MNS1: variants seen among roughly 807,000 people sequenced by gnomAD.
MNS1 encodes the protein meiosis-specific nuclear structural protein 1.
In MNS1, 63 loss-of-function variants were observed where a neutral mutation model predicts 72.0. That is an observed-to-expected ratio of 0.87 (90% CI 0.71 to 1.08). The LOEUF is 1.08. MNS1 is among the 50% of genes least tolerant of loss of function. The probability of loss-of-function intolerance (pLI) is 0.00; values close to 1 mark genes in which losing one functional copy is unlikely to be tolerated. For missense variants in MNS1, 604 were observed against 562.4 expected, an observed-to-expected ratio of 1.07 and a Z score of -0.75; for synonymous variants, 188 against 172.1, an observed-to-expected ratio of 1.09 and a Z score of -0.72.
chr15:56,444,712 T>C (rs1258507929), intron 4 of MNS1, 39 bp from the exon 5 acceptor site: 1 of 1,481,440 alleles, frequency 6.8e-7, no homozygotes, highest in Non-Finnish European at 9.4e-7. Context: ...GTTTTCAAAT[T>C]TGAACATAGT....
chr15:56,458,342 C>A (rs992923722), intron 2 of MNS1, among the ~76,000 whole-genome samples: 1 of 152,176 alleles, frequency 6.6e-6, no homozygotes, highest in Non-Finnish European at 1.5e-5. Flanking sequence ...AGAAAGTACA[C>A]AGAGTTCCCA....
intron 2 of MNS1, among the ~76,000 whole-genome samples, chr15:56,458,662 A>G (rs193300695): frequency 1.6e-3 from 237 of 152,234 alleles, no homozygotes; most frequent in African/African-American, 5.5e-3. Flanking sequence ...CTGTTTCCAT[A>G]GTTTTGCCTT....
At chr15:56,441,622 A>C (rs1290380972) in intron 7 of MNS1, among the ~76,000 whole-genome samples, 2 of 152,236 alleles carry the variant, frequency 1.3e-5, no homozygotes, top group East Asian at 3.8e-4. Flanking sequence ...ATAAACAGAC[A>C]ACCTACAGAA....
intron 4 of MNS1, chr15:56,445,853 A>G (rs2050897196): frequency 6.6e-6 from 1 of 152,052 alleles, no homozygotes; most frequent in Non-Finnish European, 1.5e-5. Flanking sequence ...TATCAGGATA[A>G]TTAAAACTGC....
At position 56,444,424 on chromosome 15, in the gene MNS1, G is replaced by A. The variant is rs759701819; in HGVS notation, c.686+20C>T. Reference sequence around the variant, plus strand: ...CTAAAGTAAACATTTAGACATGTAAGAAAGTTAGGATAAACTTACAACTGA... The same window carrying A: ...CTAAAGTAAACATTTAGACATGTAAAAAAGTTAGGATAAACTTACAACTGA... On this transcript the variant is annotated intron_variant, in intron 5 of 9. Coordinates refer to ENST00000260453, the MANE Select transcript of MNS1 (RefSeq NM_018365.4). 2 of 1,584,318 alleles carry A rather than the reference G, an allele frequency of 1.3e-6. No individual in the cohort carries two copies.
Position 56,435,402 on chromosome 15 carries a change from G to A in MNS1, c.1012-1007C>T, listed in dbSNP as rs577718406. 2.6e-5 allele frequency among the ~76,000 whole-genome samples: 4 copies of A among 151,420 alleles called. No homozygotes were observed. The South Asian group carries it at 8.4e-4, about 32-fold the overall frequency. On this transcript the variant is annotated intron_variant, in intron 7 of 9. Transcript: ENST00000260453. ...AGGCTGGTTCTTAAAAATTATCAGT[G>A]AAATGGACAGACCTTTAACAAGGCT...
chr15:56,439,446 T>TA (rs35812910), intron 7 of MNS1, among the ~76,000 whole-genome samples: 1 of 151,566 alleles, frequency 6.6e-6, no homozygotes, highest in African/African-American at 2.4e-5. Context: ...CTAGAATAGC[T>TA]AAAAAAAAAA....
At chr15:56,440,786 G>A (rs1700767820) in intron 7 of MNS1, among the ~76,000 whole-genome samples, 1 of 151,980 alleles carries the variant, frequency 6.6e-6, no homozygotes, top group Non-Finnish European at 1.5e-5. Context: ...ATAATTAAAG[G>A]TTTATCCATG....
intron 2 of MNS1, among the ~76,000 whole-genome samples, chr15:56,460,009 A>AAAAAAAATATATATATATATATATAT: frequency 7.6e-5 from 2 of 26,386 alleles, no homozygotes; most frequent in Non-Finnish European, 7.0e-5. Context: ...AAAAAAAAAA[A>AAAAAAAATATATATATATATATATAT]ATACATATAT....
chr15:56,433,298 A>G (rs1377435310), intron 8 of MNS1, among the ~76,000 whole-genome samples: 1 of 152,002 alleles, frequency 6.6e-6, no homozygotes, highest in East Asian at 1.9e-4. Flanking sequence ...ATTAGGACAA[A>G]TACCTAATGC....
At chr15:56,448,400 T>C (rs1294015293) in intron 3 of MNS1, among the ~76,000 whole-genome samples, 2 of 152,168 alleles carry the variant, frequency 1.3e-5, no homozygotes, top group African/African-American at 2.4e-5. Flanking sequence ...TCCTCCACCC[T>C]CTCATAGTTC....
chr15:56,434,301 T>A lies in MNS1; in HGVS notation c.1106A>T (p.Lys369Ile). The change falls in exon 8 of 10, where the codon AAA (lysine) becomes ATA (isoleucine). Residue 369 changes from lysine (K) to isoleucine (I), a missense_variant. By Grantham distance (102) the Lys-to-Ile change is moderately radical (BLOSUM62 -3). Transcript: ENST00000260453. Reference protein sequence around the residue: ...ALKELVLQAAKEEEENFRKTM... With the variant: ...ALKELVLQAAIEEEENFRKTM... ...TTTTCTAAAGTTCTCCTCTTCCTCT[T>A]TTGCAGCCTGTAGCACTAATTCCTT... is the stretch of plus-strand genomic sequence containing the variant. The A allele has an allele frequency of 6.2e-7, 1 of 1,613,956 alleles. No individual in the cohort carries two copies. The highest frequency in any genetic ancestry group is 8.5e-7 in the Non-Finnish European group (1 of 1,179,934).
At chr15:56,442,721 C>T (rs1309484139) in intron 7 of MNS1, among the ~76,000 whole-genome samples, 1 of 152,064 alleles carries the variant, frequency 6.6e-6, no homozygotes, top group Non-Finnish European at 1.5e-5. Context: ...GGAAAACAGA[C>T]ACTGGGGCCT....
intron 4 of MNS1, 61 bp from the exon 5 acceptor site, chr15:56,444,734 T>C: frequency 7.7e-7 from 1 of 1,295,432 alleles, no homozygotes; most frequent in Non-Finnish European, 1.1e-6. Context: ...CGATAGTATA[T>C]TTTACACCAA....
At position 56,444,556 on chromosome 15, in the gene MNS1, C is replaced by G. The variant is rs777078063; in HGVS notation, c.574G>C (p.Glu192Gln). The G allele has an allele frequency of 2.2e-5, 36 of 1,612,508 alleles. No individual in the cohort carries two copies. The highest frequency in any genetic ancestry group is 5.0e-5 in the Admixed American group (3 of 59,900). Reference sequence around the variant, plus strand: ...TTTTCTTGTTCTTCAAGTTGTTTCTCTAAGTCAAGATAGTACTGTGCTTTC... The same window carrying G: ...TTTTCTTGTTCTTCAAGTTGTTTCTGTAAGTCAAGATAGTACTGTGCTTTC... Reference protein sequence around the residue: ...KAKAQYYLDLEKQLEEQEKKK... With the variant: ...KAKAQYYLDLQKQLEEQEKKK... The change falls in exon 5 of 10, where the codon GAG becomes CAG. Residue 192 changes from glutamate to glutamine, a missense_variant. By Grantham distance (29) the Glu-to-Gln change is conservative (BLOSUM62 2). Transcript: ENST00000260453.
intron 3 of MNS1, chr15:56,447,290 G>C: frequency 6.1e-6 from 1 of 164,642 alleles, no homozygotes; most frequent in Non-Finnish European, 1.3e-5. Context: ...AGCCATTCTT[G>C]ATACTTTCAT....
At chr15:56,431,902 T>C (rs1354162695) in intron 8 of MNS1, among the ~76,000 whole-genome samples, 1 of 151,298 alleles carries the variant, frequency 6.6e-6, no homozygotes, top group African/African-American at 2.4e-5. Flanking sequence ...GATATTTTCA[T>C]ATATATATAT....
At chr15:56,441,677 A>G (rs1325838455) in intron 7 of MNS1, among the ~76,000 whole-genome samples, 4 of 152,198 alleles carry the variant, frequency 2.6e-5, no homozygotes, top group Non-Finnish European at 5.9e-5. Flanking sequence ...AAGGTCTAAT[A>G]TCCATAATAT....
At chr15:56,461,844 AAAC>A (rs1257303486) in intron 2 of MNS1, among the ~76,000 whole-genome samples, 7 of 152,120 alleles carry the variant, frequency 4.6e-5, no homozygotes, top group Admixed American at 4.6e-4. Flanking sequence ...AAAAATTTAA[AAAC>A]AACCACAACA....
Sources: gnomAD v4.1 joint callset for allele counts (sites outside exome capture counted in the v4.1 genomes callset) on GRCh38, gnomAD v4.1.1 for gene constraint, MANE v1.5 for transcripts, NCBI Gene and HGNC (gene_info 2026-07-23, HGNC 2026-07-21) for gene names.